Variants in ST8SIA6 observed in about 807,000 individuals in gnomAD.
The protein encoded by ST8SIA6 is ST8 alpha-N-acetyl-neuraminide alpha-2,8-sialyltransferase 6.
Under a neutral mutation model 33.6 loss-of-function variants are expected in ST8SIA6, and 39 were observed. The ratio of observed to expected loss-of-function variants is 1.16; its 90% confidence interval spans 0.90 to 1.52. The LOEUF is 1.52. Among genes scored for constraint, ST8SIA6 ranks in the 40% most tolerant of loss-of-function variants. ST8SIA6 has a pLI of 0.00. For synonymous variants in ST8SIA6, 172 were observed against 167.2 expected, an observed-to-expected ratio of 1.03 and a Z score of -0.22; for missense variants, 441 against 443.8, an observed-to-expected ratio of 0.99 and a Z score of 0.06.
intron 3 of ST8SIA6, 76 bp from the exon 4 acceptor site, chr10:17,359,676 C>G (rs1588837449): frequency 1.2e-6 from 1 of 839,824 alleles, no homozygotes; most frequent in East Asian, 2.9e-5. Context: ...CTGTTATAAT[C>G]TACTCCCTTT....
rs1245643304 is a variant in ST8SIA6 at position 17,454,282 on chromosome 10, G to T, written c.-27C>A. ...CTGAGCCACAGGCGCCGCCGCCACC[G>T]CTGCTGCCGGGGCGAAGCACAGCCC... On this transcript the variant is annotated 5_prime_UTR_variant, in exon 1 of 8. Coordinates refer to ENST00000377602, the MANE Select transcript of ST8SIA6 (RefSeq NM_001004470.3). The surrounding 1 kb of genome is among the most constrained non-coding windows in gnomAD (Gnocchi z 4.1). 1.5e-5 allele frequency: 3 copies of T among 200,600 alleles called. 1 individual carries two copies. The highest frequency in any genetic ancestry group is 6.0e-5 in the Admixed American group (1 of 16,610). The allele number at this position is 200,600 out of a possible 1,614,324, so 12.4% of individuals were successfully genotyped here.
At chr10:17,374,735 T>TA (rs1204797766) in intron 3 of ST8SIA6, among the ~76,000 whole-genome samples, 4 of 72,866 alleles carry the variant, frequency 5.5e-5, no homozygotes, top group African/African-American at 9.5e-5. Context: ...AATAAATAAA[T>TA]AAATAAATAA....
chr10:17,401,932 A>G (rs529130652), intron 2 of ST8SIA6, among the ~76,000 whole-genome samples: 3,262 of 150,322 alleles, frequency 0.022, 42 homozygotes, highest in South Asian at 0.04. Flanking sequence ...ATTGACAAAT[A>G]GGATCTAATT....
chr10:17,424,292 T>C (rs2131711956), intron 2 of ST8SIA6, among the ~76,000 whole-genome samples: 1 of 152,130 alleles, frequency 6.6e-6, no homozygotes, highest in South Asian at 2.1e-4. Context: ...TTAGTAGGAC[T>C]GAGGTTTCCA....
chr10:17,352,144 T>C (rs543323032), intron 4 of ST8SIA6, among the ~76,000 whole-genome samples: 2 of 152,314 alleles, frequency 1.3e-5, no homozygotes, highest in South Asian at 4.1e-4. Flanking sequence ...CCATATTTTA[T>C]TCCATAAATA....
chr10:17,344,824 A>G (rs757818921), intron 4 of ST8SIA6, among the ~76,000 whole-genome samples: 1 of 152,194 alleles, frequency 6.6e-6, no homozygotes, highest in Non-Finnish European at 1.5e-5. Flanking sequence ...ACTGGAGTGC[A>G]CAGAGTCAAG....
chr10:17,317,975 C>T lies in ST8SIA6; in HGVS notation c.*2903G>A, dbSNP rs1213272724. On this transcript the variant is annotated 3_prime_UTR_variant, in exon 8 of 8. Coordinates refer to ENST00000377602, the MANE Select transcript of ST8SIA6 (RefSeq NM_001004470.3). ...TTATTACACTGCGCAAAAATTAACA[C>T]TATGCAATTGATCATGAAGCCCTTT... Among the ~76,000 whole-genome samples the T allele has an allele frequency of 1.3e-5, 2 of 152,164 alleles. No homozygotes were observed. The highest frequency in any genetic ancestry group is 2.9e-5 in the Non-Finnish European group (2 of 68,032).
intron 4 of ST8SIA6, among the ~76,000 whole-genome samples, chr10:17,357,235 C>T (rs781417184): frequency 1.1e-4 from 16 of 151,962 alleles, no homozygotes; most frequent in Non-Finnish European, 2.2e-4. Flanking sequence ...AAGCGATTCT[C>T]CTGCCTCAGC....
intron 2 of ST8SIA6, among the ~76,000 whole-genome samples, chr10:17,406,495 CG>C (rs1851264375): frequency 6.6e-6 from 1 of 152,206 alleles, no homozygotes; most frequent in Non-Finnish European, 1.5e-5. Flanking sequence ...TTTTCTCCCA[CG>C]GGATGTGCAC....
chr10:17,372,188 G>A (rs971925664), intron 3 of ST8SIA6, among the ~76,000 whole-genome samples: 2 of 152,150 alleles, frequency 1.3e-5, no homozygotes, highest in Non-Finnish European at 2.9e-5. Flanking sequence ...AAACCATACT[G>A]ATACCCGAGC....
At chr10:17,423,388 T>G (rs1398161535) in intron 2 of ST8SIA6, among the ~76,000 whole-genome samples, 2 of 152,198 alleles carry the variant, frequency 1.3e-5, no homozygotes, top group African/African-American at 4.8e-5. Flanking sequence ...AACTTAATAT[T>G]CCTGGGATTC....
rs1847809521 is a variant in ST8SIA6, at chr10:17,317,388, G to A, written c.*3490C>T. 1.3e-5 allele frequency among the ~76,000 whole-genome samples: 2 copies of A among 152,146 alleles called. No individual in the cohort carries two copies. The highest frequency in any genetic ancestry group is 2.9e-5 in the Non-Finnish European group (2 of 68,028). ...CTCGCTATGGGATCAGCCTTCTGAA[G>A]CCACATGTAAATAGGAAATCTTCAA... On this transcript the variant is annotated 3_prime_UTR_variant, in exon 8 of 8. Transcript: ENST00000377602.
chr10:17,349,483 G>A (rs956556822), intron 4 of ST8SIA6, among the ~76,000 whole-genome samples: 1 of 152,270 alleles, frequency 6.6e-6, no homozygotes, highest in African/African-American at 2.4e-5. Flanking sequence ...ACTCTGTACT[G>A]AGCATTTGAC....
chr10:17,429,238 G>C (rs1288222418), intron 2 of ST8SIA6, among the ~76,000 whole-genome samples: 9 of 151,782 alleles, frequency 5.9e-5, no homozygotes, highest in Admixed American at 5.3e-4. Flanking sequence ...GGATATAATA[G>C]ATCATCACCA....
At chr10:17,409,498 G>GA (rs1330192969) in intron 2 of ST8SIA6, 1 of 152,528 alleles carries the variant, frequency 6.6e-6, no homozygotes, top group East Asian at 1.9e-4. Flanking sequence ...TTTGGGAGGC[G>GA]AAGGCAGGCA....
At chr10:17,385,826 A>T (rs1367868382) in intron 3 of ST8SIA6, among the ~76,000 whole-genome samples, 1 of 152,140 alleles carries the variant, frequency 6.6e-6, no homozygotes, top group Non-Finnish European at 1.5e-5. Flanking sequence ...TGTTGTCAGG[A>T]CTTCCTGAGG....
chr10:17,431,063 G>A (rs2131721379), intron 2 of ST8SIA6, among the ~76,000 whole-genome samples: 1 of 152,310 alleles, frequency 6.6e-6, no homozygotes, highest in African/African-American at 2.4e-5. Flanking sequence ...AAAAGATTTA[G>A]GCAGAAATCT....
At chr10:17,405,913 A>G (rs1851241123) in intron 2 of ST8SIA6, among the ~76,000 whole-genome samples, 1 of 151,340 alleles carries the variant, frequency 6.6e-6, no homozygotes, top group South Asian at 2.1e-4. Flanking sequence ...GAAGAAAGTT[A>G]TTTAGCCCTT....
At chr10:17,350,933 A>G (rs1849010266) in intron 4 of ST8SIA6, among the ~76,000 whole-genome samples, 1 of 152,222 alleles carries the variant, frequency 6.6e-6, no homozygotes. Context: ...TTAGAATCAG[A>G]AAGTCAGACA....
Sources: gnomAD v4.1 joint callset for allele counts (sites outside exome capture counted in the v4.1 genomes callset) on GRCh38, gnomAD v4.1.1 for gene constraint, Gnocchi (gnomAD v3.1) non-coding constraint, MANE v1.5 for transcripts, NCBI Gene and HGNC (gene_info 2026-07-23, HGNC 2026-07-21) for gene names.